Variants in NACC2 observed in about 807,000 individuals in gnomAD.
NACC2 encodes the protein nucleus accumbens-associated protein 2.
NACC2 carries 8 observed loss-of-function variants against 25.1 expected under a neutral mutation model. The ratio of observed to expected loss-of-function variants is 0.32; its 90% CI spans 0.19 to 0.57. NACC2 has a LOEUF of 0.57. Ranked by LOEUF, NACC2 falls within the 20% of genes least tolerant of loss-of-function variation. The probability of loss-of-function intolerance (pLI) is 0.89; values close to 1 mark genes in which losing one functional copy is unlikely to be tolerated. For synonymous variants in NACC2, 435 were observed against 294.7 expected (o/e 1.48, Z -4.88); for missense variants, 644 against 650.2 (o/e 0.99, Z 0.10).
rs118065742 is a variant in NACC2, at chr9:136,063,158, G to A, written c.-59-12578C>T. ...TCGATCTGTCTCTCTCCTGTCAAAC[G>A]TGTGGTTTGAGCCGCATTCCCATTA... On this transcript the variant is annotated intron_variant, in intron 1 of 5. Coordinates refer to ENST00000277554, the MANE Select transcript of NACC2 (RefSeq NM_144653.5). Among the ~76,000 whole-genome samples the A allele has an allele frequency of 1.6e-3, 242 of 152,312 alleles. 4 individuals are homozygous for A. The East Asian group carries it at 0.037, about 23-fold the overall frequency.
chr9:136,030,148 T>G (rs1840453369), intron 2 of NACC2, among the ~76,000 whole-genome samples: 1 of 152,108 alleles, frequency 6.6e-6, no homozygotes, highest in African/African-American at 2.4e-5. Flanking sequence ...GTGCTGGGAT[T>G]ACAGGCATGA....
chr9:136,094,279 G>A (rs1040936059), intron 1 of NACC2, among the ~76,000 whole-genome samples: 55 of 152,300 alleles, frequency 3.6e-4, no homozygotes, highest in African/African-American at 1.3e-3. Flanking sequence ...GGCCTGGGAG[G>A]CCAACTCCAG....
chr9:136,087,335 C>T (rs1325571502), intron 1 of NACC2, among the ~76,000 whole-genome samples: 1 of 152,222 alleles, frequency 6.6e-6, no homozygotes, highest in African/African-American at 2.4e-5. Context: ...AGATGGATAC[C>T]CTGCCCCCCT....
chr9:136,050,180 C>T lies in NACC2; in HGVS notation c.342G>A (p.Glu114=). The T allele has an allele frequency of 1.3e-6, 1 of 771,684 alleles. No individual in the cohort carries two copies. Among genetic ancestry groups the T allele is most frequent in the Non-Finnish European group, 2.4e-6 (1 of 415,724 alleles). 47.8% of individuals were successfully genotyped at this position (771,684 alleles called of 1,614,324 possible). A position where few individuals can be genotyped will look rare whatever the true frequency, so the allele number is the denominator to read the frequency against. Residue 114 remains glutamate, a synonymous_variant, in exon 2 of 6, where the codon GAG becomes GAA. Coordinates refer to ENST00000277554, the MANE Select transcript of NACC2 (RefSeq NM_144653.5). ...CCTTGAACATGAGGTCGGTGCCGCG[C>T]TCCACGATGTGCTGGATCTGCAGGA... ...AGFLQIQHIV[E]RGTDLMFKVS...
At chr9:136,071,640 A>C (rs1403485085) in intron 1 of NACC2, among the ~76,000 whole-genome samples, 1 of 152,052 alleles carries the variant, frequency 6.6e-6, no homozygotes, top group Non-Finnish European at 1.5e-5. Flanking sequence ...GAATGAAAAT[A>C]GCTAAGACAA....
intron 1 of NACC2, among the ~76,000 whole-genome samples, chr9:136,094,326 A>G (rs1417024367): frequency 1.3e-5 from 2 of 152,130 alleles, no homozygotes; most frequent in East Asian, 3.9e-4. Context: ...CACAGGTTTA[A>G]GCGGCTCCAC....
At chr9:136,079,418 G>C (rs1294317717) in intron 1 of NACC2, among the ~76,000 whole-genome samples, 2 of 152,196 alleles carry the variant, frequency 1.3e-5, no homozygotes, top group African/African-American at 4.8e-5. Context: ...CGTGGACTCC[G>C]GGGGCCCTGC....
chr9:136,059,406 G>GA (rs1389842368), intron 1 of NACC2, among the ~76,000 whole-genome samples: 4 of 152,202 alleles, frequency 2.6e-5, no homozygotes, highest in Non-Finnish European at 4.4e-5. Flanking sequence ...GGGGCTGCGC[G>GA]AGAGGCCCCA....
At chr9:136,033,017 C>CA (rs1001334079) in intron 2 of NACC2, among the ~76,000 whole-genome samples, 91 of 148,134 alleles carry the variant, frequency 6.1e-4, no homozygotes, top group Middle Eastern at 7.0e-3. Flanking sequence ...GATTCCATCT[C>CA]AAAAAAAAAT....
chr9:136,038,745 A>AT (rs1840590445), intron 2 of NACC2, among the ~76,000 whole-genome samples: 1 of 152,178 alleles, frequency 6.6e-6, no homozygotes, highest in South Asian at 2.1e-4. Flanking sequence ...AGAATATACC[A>AT]TTTTAAGGGT....
intron 2 of NACC2, among the ~76,000 whole-genome samples, chr9:136,026,648 T>G (rs1331039411): frequency 6.6e-6 from 1 of 152,118 alleles, no homozygotes; most frequent in Non-Finnish European, 1.5e-5. Flanking sequence ...TGATGTAAAA[T>G]GACAAAGGCA....
intron 2 of NACC2, among the ~76,000 whole-genome samples, chr9:136,024,239 G>C (rs947139030): frequency 7.6e-3 from 249 of 32,658 alleles, no homozygotes; most frequent in African/African-American, 0.019. Context: ...GGGTGTGTGT[G>C]AGGACAGAGG....
Position 136,044,381 on chromosome 9 carries a change from G to A in NACC2, c.886+5255C>T, listed in dbSNP as rs992064994. 1.6e-3 allele frequency among the ~76,000 whole-genome samples: 240 copies of A among 152,278 alleles called. 6 individuals carry two copies. The South Asian group carries it at 0.044, about 28-fold the overall frequency. Reference sequence around the variant, plus strand: ...AATTACAAAATTAGCTGGGCATAGCGGCACATGACTGTGGTCTCGGCTCCT... The same window carrying A: ...AATTACAAAATTAGCTGGGCATAGCAGCACATGACTGTGGTCTCGGCTCCT... On this transcript the variant is annotated intron_variant, in intron 2 of 5. Transcript: ENST00000277554.
intron 2 of NACC2, among the ~76,000 whole-genome samples, chr9:136,042,691 C>A (rs914584249): frequency 6.7e-6 from 1 of 149,096 alleles, no homozygotes; most frequent in Non-Finnish European, 1.5e-5. Flanking sequence ...CATACACACA[C>A]AGACACACAC....
At chr9:136,045,924 C>T (rs1183646014) in intron 2 of NACC2, among the ~76,000 whole-genome samples, 2 of 152,180 alleles carry the variant, frequency 1.3e-5, no homozygotes, top group Non-Finnish European at 2.9e-5. Context: ...CGCTGCCCAC[C>T]CGGCCGGCTG....
intron 2 of NACC2, among the ~76,000 whole-genome samples, chr9:136,021,431 G>A (rs560716557): frequency 3.3e-5 from 5 of 152,186 alleles, no homozygotes; most frequent in East Asian, 1.9e-4. Flanking sequence ...CTCCCAGTGC[G>A]GCGAAACATA....
At chr9:136,015,393 C>T (rs1400029093) in intron 3 of NACC2, among the ~76,000 whole-genome samples, 4 of 152,200 alleles carry the variant, frequency 2.6e-5, no homozygotes, top group Admixed American at 1.3e-4. Flanking sequence ...CCCTACCCCT[C>T]CTGGCCAGGG....
At chr9:136,046,087 G>A (rs4841907) in intron 2 of NACC2, among the ~76,000 whole-genome samples, 65,974 of 152,124 alleles carry the variant, frequency 0.43, 14,757 homozygotes, top group Non-Finnish European at 0.49. Context: ...TCCCGCTCAG[G>A]CCACAGCACC....
intron 2 of NACC2, among the ~76,000 whole-genome samples, chr9:136,035,349 G>A (rs567995539): frequency 1.4e-4 from 21 of 152,004 alleles, no homozygotes; most frequent in African/African-American, 5.1e-4. Context: ...AGAAGGTTCC[G>A]CTGCTGTGAA....
Sources: allele counts gnomAD v4.1 joint callset (sites outside exome capture counted in the v4.1 genomes callset), GRCh38; gene constraint gnomAD v4.1.1; transcripts MANE v1.5; gene names NCBI Gene and HGNC (gene_info 2026-07-23, HGNC 2026-07-21).